Variants in SEMA5A observed in about 807,000 individuals in gnomAD.
The protein encoded by SEMA5A is semaphorin 5A.
In SEMA5A, 55 loss-of-function variants were observed where a neutral mutation model predicts 135.5. That is an observed-to-expected ratio of 0.41 (90% CI 0.33 to 0.51). The LOEUF is 0.51. SEMA5A is among the 20% of genes least tolerant of loss of function. The pLI, the probability that SEMA5A is intolerant of heterozygous loss-of-function variation, is 0.37. For synonymous variants in SEMA5A, 580 were observed against 546.5 expected (o/e 1.06, Z -0.85); for missense variants, 1,290 against 1,419.9 (o/e 0.91, Z 1.47).
At chr5:9,465,341 C>T (rs1159314104) in intron 1 of SEMA5A, among the ~76,000 whole-genome samples, 1 of 152,242 alleles carries the variant, frequency 6.6e-6, no homozygotes, top group East Asian at 1.9e-4. Context: ...CCAAAAGAGA[C>T]TCCATGTCTC....
chr5:9,473,125 AT>A (rs1484892429), intron 1 of SEMA5A, among the ~76,000 whole-genome samples: 313 of 71,492 alleles, frequency 4.4e-3, no homozygotes, highest in Middle Eastern at 0.026. Context: ...AAAATAAAAT[AT>A]ATATATATAT....
chr5:9,281,973 C>A (rs554094736), intron 5 of SEMA5A, among the ~76,000 whole-genome samples: 4 of 152,122 alleles, frequency 2.6e-5, no homozygotes, highest in Admixed American at 2.6e-4. Context: ...CCACCACGCC[C>A]AGCTAATTTT....
chr5:9,181,935 T>G (rs1744535846), intron 11 of SEMA5A, among the ~76,000 whole-genome samples: 1 of 151,918 alleles, frequency 6.6e-6, no homozygotes, highest in Admixed American at 6.6e-5. Context: ...GGGTATCTAT[T>G]TCCTGACCTC....
Position 9,203,003 on chromosome 5 carries a change from G to A in SEMA5A, c.647-763C>T, listed in dbSNP as rs536636544. Among the ~76,000 whole-genome samples, 4 of 152,278 alleles carry A rather than the reference G, an allele frequency of 2.6e-5. No individual in the cohort carries two copies. The South Asian group carries it at 8.3e-4, about 32-fold the overall frequency. ...AAAGAAATGGCAAAATTATGGCAAA[G>A]CCTTTACTTAATCACCAAGATCTTC... On this transcript the variant is annotated intron_variant, in intron 8 of 22. Transcript: ENST00000382496.
Position 9,036,515 on chromosome 5 carries a change from T to C in SEMA5A, c.*6382A>G, listed in dbSNP as rs969433974. The C allele has an allele frequency of 1.3e-5, 2 of 152,218 alleles. No homozygotes were observed. The highest frequency in any genetic ancestry group is 2.9e-5 in the Non-Finnish European group (2 of 68,040). The allele number at this position is 152,218 out of a possible 1,614,324, so 9.4% of individuals were successfully genotyped here. A position where few individuals can be genotyped will look rare whatever the true frequency, so the allele number is the denominator to read the frequency against. On this transcript the variant is annotated 3_prime_UTR_variant, in exon 23 of 23. Coordinates refer to ENST00000382496, the MANE Select transcript of SEMA5A (RefSeq NM_003966.3). The stretch of plus-strand genomic sequence containing the variant: ...CAAAAACCTCTAACTTCTATAGGCA[T>C]CACGTTAACATTCTTATTACAGAAC...
intron 14 of SEMA5A, among the ~76,000 whole-genome samples, chr5:9,122,084 G>A (rs189852015): frequency 5.9e-5 from 9 of 152,166 alleles, no homozygotes; most frequent in Admixed American, 2.0e-4. Context: ...ATAGGTGCAG[G>A]GGATGGAGAG....
Position 9,044,432 on chromosome 5 carries a change from T to G in SEMA5A, c.3046A>C (p.Thr1016Pro). 1 of 1,613,704 alleles carries G rather than the reference T, an allele frequency of 6.2e-7. No homozygotes were observed. The highest frequency in any genetic ancestry group is 8.5e-7 in the Non-Finnish European group (1 of 1,179,938). ...IHPVSPAPLN[T>P]SITNHINKLD... is the part of the protein sequence containing the mutation. The stretch of plus-strand genomic sequence containing the variant: ...TTGTTGATGTGGTTGGTTATGCTGG[T>G]ATTAAGGGGGGCAGGTGAGACGGGG... Residue 1016 changes from threonine (T) to proline (P), a missense_variant, in exon 22 of 23, where the codon ACC becomes CCC. By Grantham distance (38) the Thr-to-Pro change is conservative. Transcript: ENST00000382496.
chr5:9,043,417 T>C (rs557219040), intron 22 of SEMA5A: 73 of 166,372 alleles, frequency 4.4e-4, no homozygotes, highest in Middle Eastern at 6.3e-3. Flanking sequence ...AGCTTTCAGA[T>C]GACCATGGGT....
chr5:9,544,284 G>A (rs422309), intron 1 of SEMA5A, among the ~76,000 whole-genome samples: 28,053 of 152,034 alleles, frequency 0.18, 2,654 homozygotes, highest in African/African-American at 0.22. Flanking sequence ...CTAAAAAGCA[G>A]AACGGTATTA....
At chr5:9,457,760 C>T (rs12658800) in intron 1 of SEMA5A, among the ~76,000 whole-genome samples, 10,241 of 151,998 alleles carry the variant, frequency 0.067, 405 homozygotes, top group South Asian at 0.097. Context: ...TTCCTCCAAA[C>T]AACTTTTCAA....
At chr5:9,271,597 G>T (rs547887658) in intron 5 of SEMA5A, among the ~76,000 whole-genome samples, 1 of 152,296 alleles carries the variant, frequency 6.6e-6, no homozygotes, top group African/African-American at 2.4e-5. Flanking sequence ...CTGCTGGCAA[G>T]ATGGCAGAAT....
chr5:9,476,862 C>T (rs897590405), intron 1 of SEMA5A, among the ~76,000 whole-genome samples: 6 of 151,952 alleles, frequency 3.9e-5, no homozygotes, highest in South Asian at 2.1e-4. Flanking sequence ...ACATCACCTG[C>T]GGCCAGGAAT....
chr5:9,042,997 A>C lies in SEMA5A; in HGVS notation c.3125T>G (p.Leu1042Trp). 6.2e-7 allele frequency: 1 copy of C among 1,608,310 alleles called. No homozygotes were observed. The highest frequency in any genetic ancestry group is 1.1e-5 in the South Asian group (1 of 90,522). ...GTATTTGTTTCTTTCCTCTAGGATC[A>C]AGTTGTTTTTGTTAAATGCCTGGAA... ...EAIKAFNKNN[L>W]ILEERNKYFN... Residue 1042 changes from leucine to tryptophan, a missense_variant, in exon 23 of 23, where the codon TTG becomes TGG. Leu to Trp is a moderately conservative substitution (Grantham distance 61, BLOSUM62 -2). This residue lies in a region of SEMA5A where 1,029 missense variants were observed against 1,086.6 expected (regional missense o/e 0.95). Coordinates refer to ENST00000382496, the MANE Select transcript of SEMA5A (RefSeq NM_003966.3).
chr5:9,163,270 A>C (rs1470108118), intron 11 of SEMA5A, among the ~76,000 whole-genome samples: 1 of 152,174 alleles, frequency 6.6e-6, no homozygotes, highest in Non-Finnish European at 1.5e-5. Flanking sequence ...CATTTAAAAA[A>C]AAAAAGAATT....
At chr5:9,530,172 C>G (rs1240491804) in intron 1 of SEMA5A, among the ~76,000 whole-genome samples, 2 of 152,138 alleles carry the variant, frequency 1.3e-5, no homozygotes, top group African/African-American at 4.8e-5. Flanking sequence ...TCCACAGATA[C>G]GTTCCACAAG....
chr5:9,137,000 A>G (rs1560951623), intron 12 of SEMA5A, among the ~76,000 whole-genome samples: 1 of 152,214 alleles, frequency 6.6e-6, no homozygotes, highest in East Asian at 1.9e-4. Context: ...TACAACATGT[A>G]TTATTTGTTT....
chr5:9,417,548 C>T (rs937296428), intron 2 of SEMA5A, among the ~76,000 whole-genome samples: 6 of 152,192 alleles, frequency 3.9e-5, no homozygotes, highest in African/African-American at 1.4e-4. Flanking sequence ...ACTTCTATTA[C>T]TTCTGGTAGT....
chr5:9,541,641 G>T (rs1035097763), intron 1 of SEMA5A, among the ~76,000 whole-genome samples: 3 of 152,192 alleles, frequency 2.0e-5, no homozygotes, highest in African/African-American at 7.2e-5. Context: ...GTAGGAAAGG[G>T]AAATAAAGTG....
intron 2 of SEMA5A, among the ~76,000 whole-genome samples, chr5:9,433,515 GCTAAA>G (rs1399189396): frequency 6.6e-6 from 1 of 151,204 alleles, no homozygotes; most frequent in Non-Finnish European, 1.5e-5. Flanking sequence ...AGTCTCTATA[GCTAAA>G]CAGTTATAAA....
Sources: allele counts gnomAD v4.1 joint callset (sites outside exome capture counted in the v4.1 genomes callset), GRCh38; gene constraint gnomAD v4.1.1; regional missense constraint gnomAD v4.1.1; transcripts MANE v1.5; gene names NCBI Gene and HGNC (gene_info 2026-07-23, HGNC 2026-07-21).